TMEM163: variants seen among roughly 807,000 people sequenced by gnomAD.
TMEM163 encodes transmembrane protein 163.
In TMEM163, 17 loss-of-function variants were observed where a neutral mutation model predicts 29.3. The observed-to-expected ratio is 0.58, with a 90% confidence interval of 0.40 to 0.87. The LOEUF is 0.87. Among genes scored for constraint, TMEM163 ranks in the 40% least tolerant of loss-of-function variants. The pLI, the probability that TMEM163 is intolerant of heterozygous loss-of-function variation, is 0.00. For missense variants in TMEM163, 303 were observed against 381.5 expected (o/e 0.79, Z 1.71); for synonymous variants, 157 against 160.6 (o/e 0.98, Z 0.17).
chr2:134,604,454 T>C (rs1487321658), intron 2 of TMEM163, among the ~76,000 whole-genome samples: 5 of 147,552 alleles, frequency 3.4e-5, no homozygotes, highest in South Asian at 2.1e-4. Context: ...AAAAAAAACC[T>C]CAAAATAAAG....
chr2:134,590,326 A>C (rs1393514713), intron 2 of TMEM163, among the ~76,000 whole-genome samples: 3 of 152,018 alleles, frequency 2.0e-5, no homozygotes, highest in Non-Finnish European at 2.9e-5. Context: ...GCCTCCATGA[A>C]ATCTTCTACC....
chr2:134,660,780 G>A lies in TMEM163; in HGVS notation c.322+52420C>T, dbSNP rs375873236. 1.3e-3 allele frequency among the ~76,000 whole-genome samples: 200 copies of A among 152,320 alleles called. 6 individuals are homozygous for A. In the South Asian group the frequency reaches 0.04, roughly 31 times the overall value. ...TGCACAGTCTAAGTGTGCATGCCCC[G>A]TGGCATTGCTGAAGAGCTCAGTATA... On this transcript the variant is annotated intron_variant, in intron 2 of 7. Coordinates refer to ENST00000281924, the MANE Select transcript of TMEM163 (RefSeq NM_030923.5).
intron 2 of TMEM163, among the ~76,000 whole-genome samples, chr2:134,606,102 T>C (rs1488739398): frequency 6.6e-6 from 1 of 152,148 alleles, no homozygotes; most frequent in Non-Finnish European, 1.5e-5. Flanking sequence ...GTAAAAGTTA[T>C]ATGGGTAACT....
At chr2:134,648,304 C>CCTCTCCTCTT (rs369584583) in intron 2 of TMEM163, among the ~76,000 whole-genome samples, 161 of 143,228 alleles carry the variant, frequency 1.1e-3, no homozygotes, top group African/African-American at 3.9e-3. Flanking sequence ...CACTGCTTCT[C>CCTCTCCTCTT]CTCTTCTCTT....
At chr2:134,617,235 C>T (rs1682626267) in intron 2 of TMEM163, among the ~76,000 whole-genome samples, 1 of 152,012 alleles carries the variant, frequency 6.6e-6, no homozygotes, top group Admixed American at 6.6e-5. Context: ...AGTATTAATG[C>T]AAAGTAGATT....
Position 134,466,168 on chromosome 2 carries a change from C to A in TMEM163, c.613G>T (p.Val205Leu), listed in dbSNP as rs201768833. ...ACCTTCCCCAGCATGAACTTCAACA[C>A]GGCCAGGATGCTGCAAAGAATCCCA... ...LSGILCSILAVLKFMLGKVLT... is the reference protein window; with the variant it reads ...LSGILCSILALLKFMLGKVLT... The change falls in exon 6 of 8, where the codon GTG becomes TTG. Residue 205 changes from valine (V) to leucine (L), a missense_variant. Coordinates refer to ENST00000281924, the MANE Select transcript of TMEM163 (RefSeq NM_030923.5). 1.9e-6 allele frequency: 3 copies of A among 1,614,070 alleles called. No homozygotes were observed. The East Asian group carries it at 6.7e-5, about 36-fold the overall frequency.
intron 2 of TMEM163, among the ~76,000 whole-genome samples, chr2:134,664,808 G>A (rs984102635): frequency 6.6e-5 from 10 of 152,168 alleles, no homozygotes; most frequent in African/African-American, 1.9e-4. Flanking sequence ...TTAGCCCTGT[G>A]AGACTCGGCT....
At chr2:134,495,659 C>A (rs1318129612) in intron 5 of TMEM163, among the ~76,000 whole-genome samples, 1 of 152,186 alleles carries the variant, frequency 6.6e-6, no homozygotes, top group Non-Finnish European at 1.5e-5. Flanking sequence ...TGAGCTCCTG[C>A]ACTAGGCCCC....
rs577488024 is a variant in TMEM163 at position 134,539,952 on chromosome 2, AG to A, written c.458+10617del. ...CTGTCTTCCTGAAATCTCACCATCA[AG>A]GAGGGCTCCTGAACTCAGCCCGCTC... On this transcript the variant is annotated intron_variant, in intron 4 of 7. Transcript: ENST00000281924. Among the ~76,000 whole-genome samples, 59 of 152,304 alleles carry A rather than the reference AG, an allele frequency of 3.9e-4. No individual in the cohort carries two copies. In the South Asian group the frequency reaches 8.5e-3, roughly 22 times the overall value.
intron 5 of TMEM163, among the ~76,000 whole-genome samples, chr2:134,470,404 G>A (rs1686773239): frequency 6.6e-6 from 1 of 151,794 alleles, no homozygotes; most frequent in South Asian, 2.1e-4. Flanking sequence ...GGGTCAAACA[G>A]GGCCCGGCAC....
intron 1 of TMEM163, among the ~76,000 whole-genome samples, chr2:134,718,276 G>C (rs1685080554): frequency 2.0e-5 from 3 of 152,308 alleles, no homozygotes; most frequent in East Asian, 1.9e-4. Flanking sequence ...GACATCTCGC[G>C]GCTACACCCG....
chr2:134,574,556 G>A (rs1014854762), intron 2 of TMEM163, among the ~76,000 whole-genome samples: 1 of 152,164 alleles, frequency 6.6e-6, no homozygotes, highest in African/African-American at 2.4e-5. Flanking sequence ...GAGAAACCCT[G>A]TCTCAAAACA....
At chr2:134,705,854 G>T in intron 2 of TMEM163, among the ~76,000 whole-genome samples, 1 of 152,192 alleles carries the variant, frequency 6.6e-6, no homozygotes, top group East Asian at 1.9e-4. Flanking sequence ...GTCCCAAAGG[G>T]CCCCTGCCAG....
At chr2:134,594,266 C>A in intron 2 of TMEM163, among the ~76,000 whole-genome samples, 1 of 142,320 alleles carries the variant, frequency 7.0e-6, no homozygotes, top group East Asian at 2.1e-4. Flanking sequence ...AAGAGAGAAG[C>A]GGGGACAGAG....
chr2:134,461,282 A>C (rs747777877), intron 6 of TMEM163, among the ~76,000 whole-genome samples: 1 of 152,260 alleles, frequency 6.6e-6, no homozygotes, highest in Non-Finnish European at 1.5e-5. Context: ...TGTAGTTAAA[A>C]ACATTCATTG....
At chr2:134,534,953 G>C (rs1680499943) in intron 4 of TMEM163, among the ~76,000 whole-genome samples, 1 of 152,050 alleles carries the variant, frequency 6.6e-6, no homozygotes. Context: ...GGTAAGGGGA[G>C]CACTGAGATA....
Position 134,647,168 on chromosome 2 carries a change from C to T in TMEM163, c.322+66032G>A, listed in dbSNP as rs376791583. On this transcript the variant is annotated intron_variant, in intron 2 of 7. Coordinates refer to ENST00000281924, the MANE Select transcript of TMEM163 (RefSeq NM_030923.5). The stretch of plus-strand genomic sequence containing the variant: ...AAAGGAAGAGTCCCAATATCCTCTA[C>T]ATTGCTTCCAGCTCAAATTAAGTTT... 3.9e-5 allele frequency among the ~76,000 whole-genome samples: 6 copies of T among 152,348 alleles called. No homozygotes were observed. In the East Asian group the frequency reaches 9.6e-4, roughly 24 times the overall value.
chr2:134,494,364 T>C (rs553824466), intron 5 of TMEM163, among the ~76,000 whole-genome samples: 1 of 152,292 alleles, frequency 6.6e-6, no homozygotes, highest in South Asian at 2.1e-4. Context: ...TGATTGTTTT[T>C]AAAAACAATT....
intron 4 of TMEM163, among the ~76,000 whole-genome samples, chr2:134,531,664 G>A (rs1574212793): frequency 6.6e-6 from 1 of 152,220 alleles, no homozygotes; most frequent in Non-Finnish European, 1.5e-5. Context: ...AAGAAGGGAT[G>A]CATGGAGCAA....
Sources: allele counts gnomAD v4.1 joint callset (sites outside exome capture counted in the v4.1 genomes callset), GRCh38; gene constraint gnomAD v4.1.1; transcripts MANE v1.5; gene names NCBI Gene and HGNC (gene_info 2026-07-23, HGNC 2026-07-21).